The following TEX9 variants were observed in gnomAD, a reference collection of about 807,000 sequenced individuals.
TEX9 encodes testis expressed 9.
Under a neutral mutation model 59.6 loss-of-function variants are expected in TEX9, and 74 were observed. That is an observed-to-expected ratio of 1.24 (90% CI 1.03 to 1.51). TEX9 has a LOEUF of 1.51. Among genes scored for constraint, TEX9 ranks in the 40% most tolerant of loss-of-function variants. The probability of loss-of-function intolerance (pLI) is 0.00; values close to 1 mark genes in which losing one functional copy is unlikely to be tolerated. For synonymous variants in TEX9, 186 were observed against 152.2 expected (o/e 1.22, Z -1.64); for missense variants, 522 against 447.8 (o/e 1.17, Z -1.49).
downstream of TEX9, among the ~76,000 whole-genome samples, chr15:56,446,581 A>G (rs530698411): frequency 1.3e-5 from 2 of 151,490 alleles, no homozygotes; most frequent in Admixed American, 1.3e-4. Context: ...TCAGTGAATA[A>G]TCAGTTAGAG....
intron 1 of TEX9, among the ~76,000 whole-genome samples, chr15:56,349,552 C>A (rs1329780684): frequency 6.6e-6 from 1 of 152,068 alleles, no homozygotes; most frequent in Non-Finnish European, 1.5e-5. Context: ...CCAAATGCAG[C>A]GTTCCCTCAG....
chr15:56,270,859 G>T (rs564758167), intron 1 of TEX9, among the ~76,000 whole-genome samples: 1 of 152,262 alleles, frequency 6.6e-6, no homozygotes, highest in East Asian at 1.9e-4. Context: ...ACATTTGCTT[G>T]TCTGTAAAGG....
At chr15:56,418,569 T>G (rs1172376339) in intron 10 of TEX9, among the ~76,000 whole-genome samples, 5 of 151,382 alleles carry the variant, frequency 3.3e-5, no homozygotes, top group Non-Finnish European at 5.9e-5. Context: ...GAGAATGGCA[T>G]GAACCTGGGA....
At chr15:56,269,423 AT>A (rs1168468766) in intron 1 of TEX9, among the ~76,000 whole-genome samples, 1 of 151,754 alleles carries the variant, frequency 6.6e-6, no homozygotes, top group Non-Finnish European at 1.5e-5. Context: ...TAGGGTGTCG[AT>A]TTTAGATCTT....
intron 2 of TEX9, among the ~76,000 whole-genome samples, chr15:56,373,207 A>C (rs1339651173): frequency 1.3e-5 from 2 of 152,204 alleles, no homozygotes; most frequent in African/African-American, 4.8e-5. Flanking sequence ...ACTTGAAATT[A>C]ATAGAGGGCC....
intron 2 of TEX9, among the ~76,000 whole-genome samples, chr15:56,369,308 G>T (rs1175927000): frequency 1.3e-5 from 2 of 151,396 alleles, no homozygotes; most frequent in African/African-American, 2.4e-5. Flanking sequence ...TCCCACCCCA[G>T]CCTCCCGAGG....
At chr15:56,381,696 C>G (rs565810728) in intron 3 of TEX9, among the ~76,000 whole-genome samples, 1 of 152,314 alleles carries the variant, frequency 6.6e-6, no homozygotes, top group South Asian at 2.1e-4. Context: ...TTATTTTCTC[C>G]CAAACAAATG....
intron 10 of TEX9, 149 bp from the exon 11 acceptor site, chr15:56,427,456 A>C: frequency 2.2e-6 from 1 of 445,194 alleles, no homozygotes. Context: ...AATTCCAGTA[A>C]TTCGGTAATG....
intron 12 of TEX9, chr15:56,431,542 C>T: frequency 6.2e-7 from 1 of 1,605,118 alleles, no homozygotes; most frequent in Non-Finnish European, 8.5e-7. Context: ...GTACATTAAT[C>T]TTATACGAAG....
chr15:56,262,902 A>G (rs185802723), intron 1 of TEX9, among the ~76,000 whole-genome samples: 1 of 152,330 alleles, frequency 6.6e-6, no homozygotes, highest in Admixed American at 6.5e-5. Flanking sequence ...ACTTTGTCTG[A>G]TATTAATATA....
chr15:56,311,115 C>T (rs2045600779), intron 1 of TEX9, among the ~76,000 whole-genome samples: 1 of 144,454 alleles, frequency 6.9e-6, no homozygotes, highest in Non-Finnish European at 1.5e-5. Flanking sequence ...CCCTTGGTGA[C>T]TCCTTATTTC....
At chr15:56,388,263 T>C (rs547983029) in intron 4 of TEX9, among the ~76,000 whole-genome samples, 3 of 152,208 alleles carry the variant, frequency 2.0e-5, no homozygotes, top group African/African-American at 7.2e-5. Context: ...GGCATTATAG[T>C]GTATCTTCTC....
chr15:56,424,772 G>GAA, intron 10 of TEX9, among the ~76,000 whole-genome samples: 1 of 152,098 alleles, frequency 6.6e-6, no homozygotes, highest in East Asian at 1.9e-4. Context: ...GTGAAAGAAT[G>GAA]AAAAGTGAGT....
intron 3 of TEX9, among the ~76,000 whole-genome samples, chr15:56,378,117 C>CTGTT (rs1430151784): frequency 2.6e-5 from 4 of 152,180 alleles, no homozygotes; most frequent in Admixed American, 6.5e-5. Context: ...AAACTGAATT[C>CTGTT]TGTTTGCTAG....
chr15:56,412,173 C>T (rs574165969), intron 9 of TEX9, 129 bp from the exon 10 acceptor site: 44 of 696,658 alleles, frequency 6.3e-5, no homozygotes, highest in African/African-American at 9.4e-5. Context: ...TACCCCCAAG[C>T]GTGTGTGTGT....
intron 12 of TEX9, among the ~76,000 whole-genome samples, chr15:56,432,491 C>T (rs139700143): frequency 8.5e-5 from 13 of 152,214 alleles, no homozygotes; most frequent in African/African-American, 2.9e-4. Flanking sequence ...AGTTTCATCA[C>T]GAAGATCTGT....
At chr15:56,427,793 A>G in intron 11 of TEX9, 54 bp downstream of exon 11, 2 of 1,355,756 alleles carry the variant, frequency 1.5e-6, no homozygotes, top group Non-Finnish European at 1.9e-6. Flanking sequence ...TTCTTACTAA[A>G]AAATTTAGCA....
chr15:56,363,369 A>C (rs2046827033), upstream of TEX9, among the ~76,000 whole-genome samples: 1 of 150,368 alleles, frequency 6.7e-6, no homozygotes, highest in African/African-American at 2.5e-5. Flanking sequence ...GCATTTCACC[A>C]TGTTGGCCAG....
chr15:56,458,627 A>G, the TEX9 span, among the ~76,000 whole-genome samples: 1 of 152,024 alleles, frequency 6.6e-6, no homozygotes, highest in Non-Finnish European at 1.5e-5. Context: ...CCTCCCTAAA[A>G]TCCTAAAAAC....
Sources: gnomAD v4.1 joint callset for allele counts (sites outside exome capture counted in the v4.1 genomes callset) on GRCh38, gnomAD v4.1.1 for gene constraint, MANE v1.5 for transcripts, NCBI Gene and HGNC (gene_info 2026-07-23, HGNC 2026-07-21) for gene names.